The following RBFOX1 variants were observed in gnomAD, a reference collection of about 807,000 sequenced individuals.
The protein encoded by RBFOX1 is RNA binding fox-1 homolog 1, also known as RNA binding protein fox-1 homolog 1.
RBFOX1 carries 8 observed loss-of-function variants against 57.7 expected under a neutral mutation model. The observed-to-expected ratio is 0.14, with a 90% confidence interval of 0.08 to 0.25. The LOEUF (loss-of-function observed/expected upper bound fraction) is 0.25, where lower values mean the gene tolerates loss of function less well. RBFOX1 is among the 10% of genes least tolerant of loss of function. RBFOX1 has a pLI of 1.00. For missense variants in RBFOX1, 611 were observed against 548.5 expected (o/e 1.11, Z -1.14); for synonymous variants, 326 against 222.4 (o/e 1.47, Z -4.15).
chr16:5,627,605 C>A (rs2048382583), intron 3 of RBFOX1, among the ~76,000 whole-genome samples: 1 of 152,216 alleles, frequency 6.6e-6, no homozygotes, highest in African/African-American at 2.4e-5. Context: ...TTATAAATAA[C>A]AACAAACTAA....
intron 3 of RBFOX1, among the ~76,000 whole-genome samples, chr16:7,043,605 T>C (rs976372133): frequency 2.0e-5 from 3 of 152,248 alleles, no homozygotes; most frequent in Admixed American, 2.0e-4. Flanking sequence ...TTGAGTTCTA[T>C]GCTGGTAAAC....
intron 2 of RBFOX1, among the ~76,000 whole-genome samples, chr16:6,486,830 C>G (rs553186958): frequency 6.6e-6 from 1 of 152,106 alleles, no homozygotes; most frequent in South Asian, 2.1e-4. Flanking sequence ...CAGTAGTCAA[C>G]AGGAGCAAAT....
At chr16:5,995,619 G>C (rs1002995435) in intron 4 of RBFOX1, among the ~76,000 whole-genome samples, 2 of 152,194 alleles carry the variant, frequency 1.3e-5, no homozygotes, top group African/African-American at 4.8e-5. Context: ...AAAATAGAAT[G>C]GACAGACAGA....
chr16:7,494,512 C>T (rs912339693), intron 4 of RBFOX1, among the ~76,000 whole-genome samples: 1 of 152,200 alleles, frequency 6.6e-6, no homozygotes, highest in African/African-American at 2.4e-5. Flanking sequence ...ATCCAAGTCA[C>T]TTCGCTTAAA....
At chr16:7,632,877 T>C (rs1033509775) in intron 11 of RBFOX1, among the ~76,000 whole-genome samples, 1 of 151,896 alleles carries the variant, frequency 6.6e-6, no homozygotes, top group Non-Finnish European at 1.5e-5. Flanking sequence ...ATTTCAATTT[T>C]CTTTACAGAA....
intron 3 of RBFOX1, among the ~76,000 whole-genome samples, chr16:6,884,079 G>A (rs1272201414): frequency 1.3e-5 from 2 of 152,150 alleles, no homozygotes; most frequent in Non-Finnish European, 2.9e-5. Context: ...TGGCTGCTGT[G>A]TTATGCAAGC....
At chr16:7,414,533 C>T (rs532018223) in intron 4 of RBFOX1, among the ~76,000 whole-genome samples, 7 of 152,278 alleles carry the variant, frequency 4.6e-5, no homozygotes, top group Admixed American at 2.6e-4. Context: ...AAAAGTGTGA[C>T]TTTCCAACCA....
At chr16:5,943,607 G>C (rs1243234900) in intron 4 of RBFOX1, among the ~76,000 whole-genome samples, 1 of 152,118 alleles carries the variant, frequency 6.6e-6, no homozygotes, top group African/African-American at 2.4e-5. Flanking sequence ...CTTGGCCAAG[G>C]TGCTTGTCTT....
At chr16:7,179,472 C>T (rs1258526032) in intron 4 of RBFOX1, among the ~76,000 whole-genome samples, 12 of 152,138 alleles carry the variant, frequency 7.9e-5, no homozygotes, top group African/African-American at 2.7e-4. Context: ...TTACGGTTCA[C>T]CAAAATCTGT....
At chr16:6,776,278 G>T (rs1006017293) in intron 3 of RBFOX1, among the ~76,000 whole-genome samples, 10 of 152,154 alleles carry the variant, frequency 6.6e-5, no homozygotes, top group African/African-American at 2.4e-4. Flanking sequence ...GGGCGTGGTG[G>T]CGGGTGCCTG....
intron 5 of RBFOX1, among the ~76,000 whole-genome samples, chr16:7,526,265 T>G (rs988390649): frequency 6.6e-6 from 1 of 152,116 alleles, no homozygotes; most frequent in Non-Finnish European, 1.5e-5. Flanking sequence ...ACCAAAAATT[T>G]TGGGGACTGC....
chr16:7,607,938 CT>C lies in RBFOX1; in HGVS notation c.676+601del, dbSNP rs556251860. Among the ~76,000 whole-genome samples, 15 of 152,332 alleles carry C rather than the reference CT, an allele frequency of 9.8e-5. No homozygotes were observed. The East Asian group carries it at 2.9e-3, about 29-fold the overall frequency. The stretch of plus-strand genomic sequence containing the variant: ...TGCCTAAGCACCAATTACCTCTCAG[CT>C]GGGAAATCCATTCTCTTAGAAATTT... On this transcript the variant is annotated intron_variant, in intron 10 of 15. Transcript: ENST00000550418.
intron 2 of RBFOX1, among the ~76,000 whole-genome samples, chr16:6,371,092 G>C (rs1397713476): frequency 2.0e-5 from 3 of 152,094 alleles, no homozygotes; most frequent in Non-Finnish European, 2.9e-5. Context: ...GTCTATTATT[G>C]GTGATATTAA....
chr16:7,096,065 T>C (rs575481387), intron 4 of RBFOX1, among the ~76,000 whole-genome samples: 1 of 150,438 alleles, frequency 6.6e-6, no homozygotes, highest in African/African-American at 2.4e-5. Context: ...GGAGAGCATC[T>C]AATGCATGAG....
chr16:6,314,261 C>T (rs1304606564), intron 1 of RBFOX1, among the ~76,000 whole-genome samples: 1 of 152,174 alleles, frequency 6.6e-6, no homozygotes, highest in Admixed American at 6.5e-5. Context: ...ACATAAGGGG[C>T]CGTTTCCCAG....
At chr16:7,371,159 C>A (rs1035296006) in intron 4 of RBFOX1, among the ~76,000 whole-genome samples, 1 of 152,176 alleles carries the variant, frequency 6.6e-6, no homozygotes, top group Non-Finnish European at 1.5e-5. Flanking sequence ...CCTTCTCCCT[C>A]CCAAACTGGC....
intron 3 of RBFOX1, among the ~76,000 whole-genome samples, chr16:6,824,831 T>A (rs980750428): frequency 6.6e-6 from 1 of 151,946 alleles, no homozygotes; most frequent in Non-Finnish European, 1.5e-5. Flanking sequence ...AGATAATACA[T>A]GTGGATTGGA....
intron 1 of RBFOX1, among the ~76,000 whole-genome samples, chr16:6,204,009 C>T (rs956961119): frequency 6.9e-6 from 1 of 144,948 alleles, no homozygotes; most frequent in Non-Finnish European, 1.5e-5. Context: ...GAATGACTAA[C>T]AATCTACCAT....
intron 4 of RBFOX1, among the ~76,000 whole-genome samples, chr16:7,403,506 T>C (rs1328295690): frequency 6.6e-6 from 1 of 152,090 alleles, no homozygotes; most frequent in African/African-American, 2.4e-5. Flanking sequence ...GTGTCTGGTT[T>C]ATTTTCTCTA....
Sources: allele counts gnomAD v4.1 joint callset (sites outside exome capture counted in the v4.1 genomes callset), GRCh38; gene constraint gnomAD v4.1.1; transcripts MANE v1.5; gene names NCBI Gene and HGNC (gene_info 2026-07-23, HGNC 2026-07-21).